Variants in CEP85 observed in about 807,000 individuals in gnomAD.
CEP85 encodes the protein centrosomal protein 85, also known as centrosomal protein of 85 kDa.
A neutral mutation model predicts 93.7 loss-of-function variants in CEP85; 58 were observed. That is an observed-to-expected ratio of 0.62 (90% CI 0.50 to 0.77). CEP85 has a LOEUF of 0.77. Ranked by LOEUF, CEP85 falls within the 30% of genes least tolerant of loss-of-function variation. The pLI is 0.00. For missense variants in CEP85, 868 were observed against 922.0 expected, an observed-to-expected ratio of 0.94 and a Z score of 0.76; for synonymous variants, 314 against 338.6, an observed-to-expected ratio of 0.93 and a Z score of 0.80.
intron 7 of CEP85, among the ~76,000 whole-genome samples, chr1:26,261,934 G>C (rs978716324): frequency 6.6e-6 from 1 of 152,042 alleles, no homozygotes; most frequent in African/African-American, 2.4e-5. Context: ...ATATGGGGAG[G>C]CCAAGGCAGG....
At chr1:26,273,398 T>A (rs2090006568) in intron 11 of CEP85, among the ~76,000 whole-genome samples, 1 of 152,190 alleles carries the variant, frequency 6.6e-6, no homozygotes, top group African/African-American at 2.4e-5. Context: ...GTCTATCTGG[T>A]TCACCTCTTT....
chr1:26,244,024 C>T (rs1013404962), intron 2 of CEP85, 142 bp from the exon 3 acceptor site: 26 of 477,712 alleles, frequency 5.4e-5, no homozygotes, highest in African/African-American at 3.9e-4. Flanking sequence ...AAAACTAGAT[C>T]GGAGCAGCTG....
chr1:26,259,729 T>G lies in CEP85; in HGVS notation c.1268T>G (p.Val423Gly), dbSNP rs2089777313. ...AAACTCTCTGCTTCTGAAGTTGAAG[T>G]CCAGCTCATCAGAGAGTCGCTCAAA... ...EKKLSASEVE[V>G]QLIRESLKVA... Residue 423 changes from valine to glycine, a missense_variant, in exon 7 of 14, where the codon GTC becomes GGC. Val to Gly is a moderately radical substitution (Grantham distance 109). Transcript: ENST00000451429. 6.2e-7 allele frequency: 1 copy of G among 1,614,064 alleles called. No homozygotes were observed. The highest frequency in any genetic ancestry group is 1.3e-5 in the African/African-American group (1 of 75,036).
chr1:26,239,856 T>C lies in CEP85; in HGVS notation c.55+18T>C, dbSNP rs2089394532. 9 of 1,597,972 alleles carry C rather than the reference T, an allele frequency of 5.6e-6. No individual in the cohort carries two copies. The highest frequency in any genetic ancestry group is 7.7e-6 in the Non-Finnish European group (9 of 1,165,236). On this transcript the variant is annotated intron_variant, in intron 2 of 13. Transcript: ENST00000451429. ...TTCACCGAGTGAGTAGTCAGAAGTT[T>C]TCTGGGTTAAATTCTGACCTTTGTT...
At chr1:26,271,273 G>C (rs1389422838) in intron 10 of CEP85, among the ~76,000 whole-genome samples, 166 bp downstream of exon 10, 1 of 152,148 alleles carries the variant, frequency 6.6e-6, no homozygotes, top group African/African-American at 2.4e-5. Context: ...TTTGTATTTA[G>C]ATAGTCATCC....
chr1:26,251,810 T>C (rs1384622218), intron 3 of CEP85, among the ~76,000 whole-genome samples: 2 of 152,096 alleles, frequency 1.3e-5, no homozygotes, highest in African/African-American at 4.8e-5. Context: ...GAAGGAGGTA[T>C]TGCAAAGTTC....
rs759667889 is a variant in CEP85 at position 26,259,706 on chromosome 1, ACT to A, written c.1250_1251del (p.Ser417CysfsTer3). The A allele has an allele frequency of 5.0e-6, 8 of 1,613,966 alleles. No homozygotes were observed. The highest frequency in any genetic ancestry group is 2.7e-5 in the African/African-American group (2 of 74,908). ...GAGAAAAGATTGACCTTGAAAAGAA[ACT>A]CTCTGCTTCTGAAGTTGAAGTCCAG... is the stretch of plus-strand genomic sequence containing the variant. Reference protein sequence around the residue: ...SREKIDLEKKLSASEVEVQLI... With the variant: ...SREKIDLEKKXSASEVEVQLI... On this transcript the variant is annotated frameshift_variant, in exon 7 of 14. Transcript: ENST00000451429. LOFTEE classifies it high-confidence loss of function.
intron 2 of CEP85, among the ~76,000 whole-genome samples, chr1:26,242,280 C>A (rs906112276): frequency 2.6e-5 from 4 of 152,104 alleles, no homozygotes; most frequent in African/African-American, 7.2e-5. Flanking sequence ...TTAACTGTTT[C>A]AAAAGGCCTG....
chr1:26,238,941 CT>C (rs879504668), intron 1 of CEP85, among the ~76,000 whole-genome samples: 3 of 152,152 alleles, frequency 2.0e-5, no homozygotes, highest in Non-Finnish European at 4.4e-5. Flanking sequence ...AGCAAGAATT[CT>C]TTCCCATCTT....
intron 7 of CEP85, among the ~76,000 whole-genome samples, chr1:26,260,746 T>G (rs1439406753): frequency 2.0e-5 from 3 of 152,014 alleles, no homozygotes; most frequent in African/African-American, 7.2e-5. Flanking sequence ...TTGTTAAAAA[T>G]GTACATCAGA....
intron 2 of CEP85, among the ~76,000 whole-genome samples, chr1:26,241,243 A>ATTTTTTTTTTTTTTTTTTTTTTT (rs1433524136): frequency 6.5e-5 from 4 of 61,814 alleles, no homozygotes; most frequent in Non-Finnish European, 1.1e-4. Flanking sequence ...CATTCAGCAG[A>ATTTTTTTTTTTTTTTTTTTTTTT]ATTTTTTTTT....
intron 3 of CEP85, among the ~76,000 whole-genome samples, chr1:26,253,299 T>C (rs1050410306): frequency 2.0e-5 from 3 of 152,152 alleles, no homozygotes; most frequent in Non-Finnish European, 2.9e-5. Context: ...ACATACTCCA[T>C]TGTTTTCCAC....
intron 2 of CEP85, 54 bp from the exon 3 acceptor site, chr1:26,244,112 A>G: frequency 6.5e-7 from 1 of 1,545,964 alleles, no homozygotes; most frequent in Non-Finnish European, 8.8e-7. Flanking sequence ...AAAAGATCTG[A>G]TGGGGTTACA....
chr1:26,236,303 G>C (rs2089325743), intron 1 of CEP85, among the ~76,000 whole-genome samples: 1 of 152,160 alleles, frequency 6.6e-6, no homozygotes, highest in African/African-American at 2.4e-5. Context: ...TTGATAGGTA[G>C]TAAGTGCAGA....
At chr1:26,263,952 G>C (rs542192653) in intron 7 of CEP85, among the ~76,000 whole-genome samples, 1 of 152,210 alleles carries the variant, frequency 6.6e-6, no homozygotes, top group Non-Finnish European at 1.5e-5. Context: ...AGTATGAGCA[G>C]ATTTGGATAT....
In CEP85 at chr1:26,272,817, C is replaced by T. The variant is rs181322504; in HGVS notation, c.1794+746C>T. ...CTAATTTTTGTATTTTTTGTAGAGA[C>T]GGGGTTTCACCACGTTGGCCAGACT... On this transcript the variant is annotated intron_variant, in intron 11 of 13. Transcript: ENST00000451429. 1.2e-4 allele frequency among the ~76,000 whole-genome samples: 18 copies of T among 151,910 alleles called. No individual in the cohort carries two copies. In the East Asian group the frequency reaches 3.5e-3, roughly 29 times the overall value.
chr1:26,264,258 C>T (rs531609094), intron 7 of CEP85, among the ~76,000 whole-genome samples: 43 of 152,202 alleles, frequency 2.8e-4, no homozygotes, highest in Non-Finnish European at 4.6e-4. Context: ...GCAGGCTGGG[C>T]GCGGTGGCTC....
chr1:26,274,186 C>G (rs2090020379), intron 11 of CEP85, among the ~76,000 whole-genome samples: 1 of 147,922 alleles, frequency 6.8e-6, no homozygotes, highest in Non-Finnish European at 1.5e-5. Flanking sequence ...CACACAAACA[C>G]AGACACACTT....
intron 3 of CEP85, among the ~76,000 whole-genome samples, chr1:26,247,338 G>C (rs1207385774): frequency 2.0e-5 from 3 of 152,022 alleles, no homozygotes; most frequent in Non-Finnish European, 4.4e-5. Flanking sequence ...CACCTCAAGT[G>C]AGCAAATTGT....
Sources: allele counts gnomAD v4.1 joint callset (sites outside exome capture counted in the v4.1 genomes callset), GRCh38; gene constraint gnomAD v4.1.1; transcripts MANE v1.5; gene names NCBI Gene and HGNC (gene_info 2026-07-23, HGNC 2026-07-21).